Variants in ATXN7 observed in about 807,000 individuals in gnomAD.
ATXN7 encodes the protein ataxin-7.
Under a neutral mutation model 70.5 loss-of-function variants are expected in ATXN7, and 12 were observed. The observed-to-expected ratio is 0.17, with a 90% CI of 0.11 to 0.28. ATXN7 has a LOEUF of 0.28. Ranked by LOEUF, ATXN7 falls within the 10% of genes least tolerant of loss-of-function variation. The pLI is 1.00. For synonymous variants in ATXN7, 498 were observed against 448.7 expected (o/e 1.11, Z -1.39); for missense variants, 1,256 against 1,131.7 (o/e 1.11, Z -1.58).
intron 6 of ATXN7, among the ~76,000 whole-genome samples, chr3:63,981,445 G>C (rs1168623087): frequency 6.6e-6 from 1 of 152,206 alleles, no homozygotes; most frequent in Non-Finnish European, 1.5e-5. Flanking sequence ...TCTTTACTTA[G>C]AGCTAGGCCT....
At chr3:63,977,030 GA>G (rs2075399688) in intron 5 of ATXN7, among the ~76,000 whole-genome samples, 1 of 152,202 alleles carries the variant, frequency 6.6e-6, no homozygotes, top group South Asian at 2.1e-4. Context: ...GAAATTGGAT[GA>G]AAAACTGTAG....
intron 5 of ATXN7, among the ~76,000 whole-genome samples, chr3:63,972,494 T>G (rs1353702935): frequency 6.6e-6 from 1 of 152,176 alleles, no homozygotes; most frequent in Non-Finnish European, 1.5e-5. Flanking sequence ...TGAGTTTCAT[T>G]TAAAGAAAAA....
At chr3:63,937,603 G>T (rs1375237215) in intron 4 of ATXN7, among the ~76,000 whole-genome samples, 2 of 152,176 alleles carry the variant, frequency 1.3e-5, no homozygotes, top group Non-Finnish European at 2.9e-5. Flanking sequence ...AAGACGCTGG[G>T]TCACTTCTGT....
Position 63,999,586 on chromosome 3 carries a change from C to CTCAA in ATXN7, c.*120_*123dup, listed in dbSNP as rs753946408. 6.5e-7 allele frequency: 1 copy of CTCAA among 1,540,948 alleles called. No individual in the cohort carries two copies. The highest frequency in any genetic ancestry group is 1.2e-5 in the South Asian group (1 of 84,620). On this transcript the variant is annotated 3_prime_UTR_variant, in exon 13 of 13. Coordinates refer to ENST00000674280, the MANE Select transcript of ATXN7 (RefSeq NM_001377405.1). ...TCTGTTTTCCCAACCTCCTGTGGGC[C>CTCAA]TCAAGGGTAGAAACCTGCCGGGCTG...
intron 12 of ATXN7, among the ~76,000 whole-genome samples, chr3:63,997,155 G>A (rs565557674): frequency 6.6e-6 from 1 of 152,290 alleles, no homozygotes; most frequent in South Asian, 2.1e-4. Context: ...CTACTCAGGA[G>A]GTGGAGGCAG....
At chr3:63,863,746 G>T, upstream of ATXN7, 2 of 1,250,098 alleles carry the variant, frequency 1.6e-6, no homozygotes, top group African/African-American at 1.6e-5. Flanking sequence ...TGCAGCGGGC[G>T]CGTGTGGCGG....
chr3:63,987,759 T>C (rs1559658537), intron 8 of ATXN7, among the ~76,000 whole-genome samples: 1 of 152,260 alleles, frequency 6.6e-6, no homozygotes, highest in East Asian at 1.9e-4. Flanking sequence ...GTACTTGTTA[T>C]ATAGCGCTAA....
chr3:63,964,800 T>G (rs1247360479), intron 5 of ATXN7, among the ~76,000 whole-genome samples: 1 of 152,186 alleles, frequency 6.6e-6, no homozygotes. Flanking sequence ...GCCGAATGAA[T>G]TGCTTGGTAT....
intron 2 of ATXN7, among the ~76,000 whole-genome samples, chr3:63,910,350 G>A (rs2107289187): frequency 6.6e-6 from 1 of 152,274 alleles, no homozygotes; most frequent in Admixed American, 6.5e-5. Context: ...TATCTATATG[G>A]CTTGGTGGCC....
chr3:63,963,829 T>C (rs1244154176), intron 5 of ATXN7, among the ~76,000 whole-genome samples: 2 of 152,194 alleles, frequency 1.3e-5, no homozygotes, highest in South Asian at 4.1e-4. Flanking sequence ...GGTACATACA[T>C]ACTTAATTAC....
At chr3:63,988,403 G>A (rs2075613189) in intron 9 of ATXN7, 79 bp downstream of exon 9, 3 of 1,555,672 alleles carry the variant, frequency 1.9e-6, no homozygotes, top group Non-Finnish European at 2.6e-6. Context: ...GTATGGTCAT[G>A]CTGTTGAGAA....
In ATXN7 at chr3:63,999,701, T is replaced by C; in HGVS notation, c.*234T>C. The C allele has an allele frequency of 1.4e-6, 1 of 724,278 alleles. No individual in the cohort carries two copies. The highest frequency in any genetic ancestry group is 2.3e-6 in the Non-Finnish European group (1 of 425,718). The allele number at this position is 724,278 out of a possible 1,614,324, so 44.9% of individuals were successfully genotyped here. A position where few individuals can be genotyped will look rare whatever the true frequency, so the allele number is the denominator to read the frequency against. On this transcript the variant is annotated 3_prime_UTR_variant, in exon 13 of 13. Transcript: ENST00000674280. ...ATCAAGTTCAGCCACCGAATTGCTT[T>C]TATCAGTGTTAAAGTGGTCTGAACT... is the stretch of plus-strand genomic sequence containing the variant.
At position 63,952,835 on chromosome 3, in the gene ATXN7, C is replaced by CTT. The variant is rs59256288; in HGVS notation, c.499+382_499+383dup. ...ACACTCACAATATGGATGCATGGGC[C>CTT]TTTTTTTTTTTTTTTTTTTTTTTTT... On this transcript the variant is annotated intron_variant, in intron 5 of 12. Transcript: ENST00000674280. Among the ~76,000 whole-genome samples the CTT allele has an allele frequency of 5.9e-3, 292 of 49,138 alleles. 37 individuals are homozygous for CTT. Among genetic ancestry groups the CTT allele is most frequent in the African/African-American group, 0.015 (146 of 9,796 alleles). 32.2% of individuals were successfully genotyped at this position (49,138 alleles called of 152,430 possible).
At chr3:63,953,196 A>G (rs1352981670) in intron 5 of ATXN7, among the ~76,000 whole-genome samples, 2 of 152,206 alleles carry the variant, frequency 1.3e-5, no homozygotes, top group Admixed American at 1.3e-4. Context: ...CTACAAATGC[A>G]AGCTTGCAAT....
intron 5 of ATXN7, among the ~76,000 whole-genome samples, chr3:63,958,633 C>T (rs2075074855): frequency 6.6e-6 from 1 of 152,118 alleles, no homozygotes; most frequent in African/African-American, 2.4e-5. Flanking sequence ...TTTTATTTAG[C>T]TCATAACTGT....
intron 5 of ATXN7, among the ~76,000 whole-genome samples, chr3:63,970,781 C>T (rs116756680): frequency 0.012 from 1,752 of 152,300 alleles, 22 homozygotes; most frequent in Non-Finnish European, 0.018. Flanking sequence ...TTGTAATCTG[C>T]CCTTTGTGAT....
chr3:63,962,093 C>T lies in ATXN7; in HGVS notation c.499+9610C>T, dbSNP rs572906953. Reference sequence around the variant, plus strand: ...TCTGATGTATGTACTAGTCCAAGTCCATAAAACAGACTGGTTTGGGAGGGG... The same window carrying T: ...TCTGATGTATGTACTAGTCCAAGTCTATAAAACAGACTGGTTTGGGAGGGG... On this transcript the variant is annotated intron_variant, in intron 5 of 12. Coordinates refer to ENST00000674280, the MANE Select transcript of ATXN7 (RefSeq NM_001377405.1). Among the ~76,000 whole-genome samples, 29 of 152,234 alleles carry T rather than the reference C, an allele frequency of 1.9e-4. 1 individual carries two copies. Among genetic ancestry groups the T allele is most frequent in the Middle Eastern group, 6.8e-3 (2 of 294 alleles).
intron 1 of ATXN7, among the ~76,000 whole-genome samples, chr3:63,874,826 C>CT (rs1290382616): frequency 6.6e-6 from 1 of 152,188 alleles, no homozygotes; most frequent in Non-Finnish European, 1.5e-5. Flanking sequence ...TCAGGCTACT[C>CT]TAACAAGATA....
intron 1 of ATXN7, among the ~76,000 whole-genome samples, chr3:63,885,931 C>T (rs1347150473): frequency 1.3e-5 from 2 of 152,134 alleles, no homozygotes; most frequent in Non-Finnish European, 2.9e-5. Flanking sequence ...CCAGGAGAAT[C>T]GCTTCAACCT....
Sources: allele counts gnomAD v4.1 joint callset (sites outside exome capture counted in the v4.1 genomes callset), GRCh38; gene constraint gnomAD v4.1.1; transcripts MANE v1.5; gene names NCBI Gene and HGNC (gene_info 2026-07-23, HGNC 2026-07-21).